Variants in DGKD observed in about 807,000 individuals in gnomAD.
The protein encoded by DGKD is DAG kinase delta.
In DGKD, 68 loss-of-function variants were observed where a neutral mutation model predicts 154.4. The observed-to-expected ratio is 0.44, with a 90% confidence interval of 0.36 to 0.54. The LOEUF is 0.54. DGKD is among the 20% of genes least tolerant of loss of function. The probability of loss-of-function intolerance (pLI) is 0.00; values close to 1 mark genes in which losing one functional copy is unlikely to be tolerated. For synonymous variants in DGKD, 693 were observed against 638.0 expected (o/e 1.09, Z -1.30); for missense variants, 1,343 against 1,593.6 (o/e 0.84, Z 2.68).
intron 3 of DGKD, among the ~76,000 whole-genome samples, chr2:233,397,542 G>GCA (rs2061446981): frequency 7.9e-6 from 1 of 126,640 alleles, no homozygotes; most frequent in Non-Finnish European, 1.7e-5. Context: ...GGCTGGGGGG[G>GCA]GGGGGCAGAG....
rs1455960625 is a variant in DGKD at position 233,469,834 on chromosome 2, CT to C, written c.*375del. 2 of 204,580 alleles carry C rather than the reference CT, an allele frequency of 9.8e-6. No homozygotes were observed. Among genetic ancestry groups the C allele is most frequent in the African/African-American group, 4.7e-5 (2 of 42,898 alleles). 12.7% of individuals were successfully genotyped at this position (204,580 alleles called of 1,614,324 possible). On this transcript the variant is annotated 3_prime_UTR_variant, in exon 30 of 30. Coordinates refer to ENST00000264057, the MANE Select transcript of DGKD (RefSeq NM_152879.3). Reference sequence around the variant, plus strand: ...CCTCGTGCTTGGATTGTCCCGGGGGCTCCTCTCCGTGTGTCCTTCTGTGGCC... The same window carrying C: ...CCTCGTGCTTGGATTGTCCCGGGGGCCCTCTCCGTGTGTCCTTCTGTGGCC...
intron 11 of DGKD, among the ~76,000 whole-genome samples, chr2:233,446,501 C>T (rs190865281): frequency 2.0e-4 from 30 of 152,398 alleles, no homozygotes; most frequent in African/African-American, 6.5e-4. Flanking sequence ...GGAGACCTTC[C>T]TCTCTTTATG....
intron 3 of DGKD, 43 bp downstream of exon 3, chr2:233,390,526 T>G (rs749738295): frequency 6.7e-7 from 1 of 1,500,814 alleles, no homozygotes; most frequent in Non-Finnish European, 9.3e-7. Flanking sequence ...TTCACTGAAG[T>G]TGGCTTTCCT....
Position 233,434,380 on chromosome 2 carries a change from G to A in DGKD, c.349G>A (p.Val117Ile), listed in dbSNP as rs765043872. The A allele has an allele frequency of 2.2e-5, 36 of 1,613,542 alleles. No homozygotes were observed. The Admixed American group carries it at 5.3e-4, about 24-fold the overall frequency. ...STKNVNNSFTVITPCRKLILC... is the reference protein window; with the variant it reads ...STKNVNNSFTIITPCRKLILC... The stretch of plus-strand genomic sequence containing the variant: ...CTGTTGAACCTGTTTCTTTCTCTAG[G>A]TCATAACTCCATGCAGGAAGCTCAT... Residue 117 changes from valine (V) to isoleucine (I), a missense_variant and splice_region_variant, in exon 4 of 30, where the codon GTC (valine) becomes ATC (isoleucine). Around this residue, in one of 6 missense-constraint regions of DGKD, gnomAD observed 332 missense variants for 400.1 expected, o/e 0.83. Transcript: ENST00000264057.
In DGKD at chr2:233,419,470, T is replaced by TCA. The variant is rs946667978; in HGVS notation, c.349-14910_349-14909insCA. 52 of 983,602 alleles carry TCA rather than the reference T, an allele frequency of 5.3e-5. 1 individual carries two copies. The African/African-American group carries it at 8.2e-4, about 16-fold the overall frequency. 60.9% of individuals were successfully genotyped at this position (983,602 alleles called of 1,614,324 possible). On this transcript the variant is annotated intron_variant, in intron 3 of 29. Transcript: ENST00000264057. Reference sequence around the variant, plus strand: ...GCCATCATACTGGGAGGCTGTTGGGTGGTGAGTTCAAGGTCAGGGTTTGGA... The same window carrying TCA: ...GCCATCATACTGGGAGGCTGTTGGGTCAGGTGAGTTCAAGGTCAGGGTTTGGA...
At chr2:233,380,826 G>C (rs1702861140) in intron 1 of DGKD, among the ~76,000 whole-genome samples, 1 of 152,118 alleles carries the variant, frequency 6.6e-6, no homozygotes, top group Non-Finnish European at 1.5e-5. Flanking sequence ...CCACTTTTTG[G>C]CTTTTTTGGG....
chr2:233,463,815 G>A (rs1559184498), intron 26 of DGKD: 3 of 303,344 alleles, frequency 9.9e-6, no homozygotes, highest in Non-Finnish European at 1.3e-5. Flanking sequence ...GCTGCCTCCT[G>A]CAAGGTTCGA....
At chr2:233,467,313 C>G (rs1470961668) in intron 28 of DGKD, 110 bp downstream of exon 28, 3 of 792,156 alleles carry the variant, frequency 3.8e-6, no homozygotes, top group Non-Finnish European at 6.6e-6. Context: ...CCCTCTTGGT[C>G]CCTGTGCTGT....
At position 233,411,687 on chromosome 2, in the gene DGKD, T is replaced by C. The variant is rs1005151637; in HGVS notation, c.348+21204T>C. ...TTTCTTTTTGGTGAAATTCAACTTA[T>C]CAGTTTTTTAAATGGCTCATTCTTC... On this transcript the variant is annotated intron_variant, in intron 3 of 29. Coordinates refer to ENST00000264057, the MANE Select transcript of DGKD (RefSeq NM_152879.3). Among the ~76,000 whole-genome samples the C allele has an allele frequency of 1.4e-4, 22 of 152,346 alleles. No individual in the cohort carries two copies. In the East Asian group the frequency reaches 1.9e-3, roughly 13 times the overall value.
chr2:233,355,045 G>A (rs1701476694), intron 1 of DGKD, among the ~76,000 whole-genome samples: 1 of 151,802 alleles, frequency 6.6e-6, no homozygotes, highest in Non-Finnish European at 1.5e-5. Context: ...GGGGGCTCCC[G>A]GCTGCGCCCC....
At chr2:233,370,563 ACTT>A (rs1467138282) in intron 1 of DGKD, among the ~76,000 whole-genome samples, 32 of 130,666 alleles carry the variant, frequency 2.4e-4, no homozygotes, top group African/African-American at 6.3e-4. Context: ...ACGTTTCAGA[ACTT>A]CTTCTTTTTT....
At chr2:233,365,989 T>A (rs1418242079) in intron 1 of DGKD, among the ~76,000 whole-genome samples, 2 of 152,156 alleles carry the variant, frequency 1.3e-5, no homozygotes, top group Non-Finnish European at 2.9e-5. Context: ...AGTATTTTTT[T>A]AAAGGATTTA....
chr2:233,450,187 C>T (rs747713998), intron 16 of DGKD, 56 bp downstream of exon 16: 154 of 1,522,316 alleles, frequency 1.0e-4, no homozygotes, highest in African/African-American at 5.7e-4. Context: ...TTTGGTGAGA[C>T]GTAGCGGGCT....
At position 233,438,755 on chromosome 2, in the gene DGKD, C is replaced by CATCTATCTATCTATCTATCT. The variant is rs3835771; in HGVS notation, c.1085+417_1085+436dup. On this transcript the variant is annotated intron_variant, in intron 9 of 29. Coordinates refer to ENST00000264057, the MANE Select transcript of DGKD (RefSeq NM_152879.3). The surrounding 1 kb of genome is among the most constrained non-coding windows in gnomAD (Gnocchi z 4.1). The stretch of plus-strand genomic sequence containing the variant: ...ATTTTTTATTTATCTGTCTATCTAT[C>CATCTATCTATCTATCTATCT]ATCTATCTATCTATCTATCTATCTA... Among the ~76,000 whole-genome samples the CATCTATCTATCTATCTATCT allele has an allele frequency of 7.6e-6, 1 of 132,294 alleles. No homozygotes were observed. The highest frequency in any genetic ancestry group is 1.6e-5 in the Non-Finnish European group (1 of 61,474). 86.8% of individuals were successfully genotyped at this position (132,294 alleles called of 152,430 possible). A position where few individuals can be genotyped will look rare whatever the true frequency, so the allele number is the denominator to read the frequency against.
intron 1 of DGKD, among the ~76,000 whole-genome samples, chr2:233,362,093 C>T (rs1393025899): frequency 2.0e-5 from 3 of 152,092 alleles, no homozygotes; most frequent in Non-Finnish European, 4.4e-5. Context: ...CCACCTCACC[C>T]AGCCAATAAA....
intron 14 of DGKD, among the ~76,000 whole-genome samples, chr2:233,448,851 T>C (rs936575591): frequency 2.0e-5 from 3 of 152,232 alleles, no homozygotes; most frequent in African/African-American, 7.2e-5. Flanking sequence ...CTATGCAGAC[T>C]AAGACTCAGC....
At chr2:233,442,464 C>G (rs542333302) in intron 10 of DGKD, 24 of 289,646 alleles carry the variant, frequency 8.3e-5, no homozygotes, top group African/African-American at 5.0e-4. Context: ...CATTTAATTT[C>G]CACACCAAGC....
At chr2:233,410,272 C>T (rs1174546807) in intron 3 of DGKD, among the ~76,000 whole-genome samples, 1 of 152,162 alleles carries the variant, frequency 6.6e-6, no homozygotes, top group East Asian at 1.9e-4. Flanking sequence ...AGGGGGGGCT[C>T]AAGGGACACT....
intron 14 of DGKD, 64 bp downstream of exon 14, chr2:233,448,439 C>A: frequency 6.8e-7 from 1 of 1,481,140 alleles, no homozygotes; most frequent in Non-Finnish European, 9.3e-7. Flanking sequence ...CTGTCACCAG[C>A]AGAGGGCCGT....
Sources: gnomAD v4.1 joint callset for allele counts (sites outside exome capture counted in the v4.1 genomes callset) on GRCh38, gnomAD v4.1.1 for gene constraint, gnomAD v4.1.1 regional missense constraint, Gnocchi (gnomAD v3.1) non-coding constraint, MANE v1.5 for transcripts, NCBI Gene and HGNC (gene_info 2026-07-23, HGNC 2026-07-21) for gene names.